Variants in OSBPL6 observed in about 807,000 individuals in gnomAD.
The protein encoded by OSBPL6 is oxysterol-binding protein-related protein 6.
A neutral mutation model predicts 125.8 loss-of-function variants in OSBPL6; 49 were observed. The ratio of observed to expected loss-of-function variants is 0.39; its 90% CI spans 0.31 to 0.49. The LOEUF (loss-of-function observed/expected upper bound fraction) is 0.49. Among genes scored for constraint, OSBPL6 ranks in the 20% least tolerant of loss-of-function variants. The probability of loss-of-function intolerance (pLI) is 0.88; values close to 1 mark genes in which losing one functional copy is unlikely to be tolerated. For synonymous variants in OSBPL6, 394 were observed against 391.8 expected (o/e 1.01, Z -0.07); for missense variants, 986 against 1,135.4 (o/e 0.87, Z 1.89).
intron 15 of OSBPL6, 32 bp from the exon 16 acceptor site, chr2:178,382,388 T>A (rs778162845): frequency 1.3e-6 from 2 of 1,559,204 alleles, no homozygotes; most frequent in Admixed American, 3.9e-5. Context: ...TGAACAAGAA[T>A]TCTGATCCTT....
rs117345358 is a variant in OSBPL6, at chr2:178,251,673, C to T, written c.-350-33254C>T. ...AAGGCAGTTGTTCTTTCTGATCACG[C>T]ACTCTTCCTGCCTAAAGCAGTGAAG... On this transcript the variant is annotated intron_variant, in intron 1 of 24. Coordinates refer to ENST00000190611, the MANE Select transcript of OSBPL6 (RefSeq NM_032523.4). 4.3e-3 allele frequency among the ~76,000 whole-genome samples: 661 copies of T among 152,306 alleles called. 14 individuals carry two copies. In the East Asian group the frequency reaches 0.068, roughly 16 times the overall value.
intron 11 of OSBPL6, among the ~76,000 whole-genome samples, chr2:178,343,255 C>A (rs1574922027): frequency 6.6e-6 from 1 of 151,958 alleles, no homozygotes; most frequent in Admixed American, 6.6e-5. Flanking sequence ...GGCAAGGTGG[C>A]TCATGCCTGT....
At chr2:178,264,584 A>G (rs2092168202) in intron 1 of OSBPL6, among the ~76,000 whole-genome samples, 1 of 152,202 alleles carries the variant, frequency 6.6e-6, no homozygotes, top group African/African-American at 2.4e-5. Flanking sequence ...CCTGGTCTTC[A>G]ACGTGATAAT....
chr2:178,223,588 A>T (rs334033), intron 1 of OSBPL6, among the ~76,000 whole-genome samples: 2,679 of 152,316 alleles, frequency 0.018, 77 homozygotes, highest in African/African-American at 0.061. Flanking sequence ...CAGGCCCTTC[A>T]GTTTATTCTT....
intron 1 of OSBPL6, among the ~76,000 whole-genome samples, chr2:178,272,134 C>T (rs2154025299): frequency 6.6e-6 from 1 of 152,316 alleles, no homozygotes; most frequent in South Asian, 2.1e-4. Context: ...CAAGAACTTA[C>T]TGTTCAGCAC....
chr2:178,235,911 G>A (rs2091036627), intron 1 of OSBPL6, among the ~76,000 whole-genome samples: 1 of 152,166 alleles, frequency 6.6e-6, no homozygotes, highest in South Asian at 2.1e-4. Context: ...ATGTTGGAAT[G>A]TAATCAGAAT....
At position 178,399,536 on chromosome 2, in the gene OSBPL6, A is replaced by G. The variant is rs1002281297; in HGVS notation, c.*3977A>G. On this transcript the variant is annotated 3_prime_UTR_variant, in exon 25 of 25. Coordinates refer to ENST00000190611, the MANE Select transcript of OSBPL6 (RefSeq NM_032523.4). ...TTAGCTTTATTACGTCCAAAATGAGATCTAAAGAAGGAGGTCTTTAAAAAT... is the reference window on the plus strand; with the variant it reads ...TTAGCTTTATTACGTCCAAAATGAGGTCTAAAGAAGGAGGTCTTTAAAAAT... 1.3e-5 allele frequency: 2 copies of G among 152,246 alleles called. No individual in the cohort carries two copies. The highest frequency in any genetic ancestry group is 1.9e-4 in the East Asian group (1 of 5,200). 9.4% of individuals were successfully genotyped at this position (152,246 alleles called of 1,614,324 possible). A position where few individuals can be genotyped will look rare whatever the true frequency, so the allele number is the denominator to read the frequency against.
At chr2:178,337,949 C>CTTTTTTTTTTTTTTTT (rs755944128) in intron 9 of OSBPL6, among the ~76,000 whole-genome samples, 12,296 of 134,978 alleles carry the variant, frequency 0.091, 787 homozygotes, top group Admixed American at 0.13. Flanking sequence ...TCAGTATTCT[C>CTTTTTTTTTTTTTTTT]TTTTTTTTTT....
chr2:178,392,141 G>A (rs1559331630), intron 22 of OSBPL6, among the ~76,000 whole-genome samples: 1 of 152,162 alleles, frequency 6.6e-6, no homozygotes, highest in Non-Finnish European at 1.5e-5. Flanking sequence ...GAAATATTAT[G>A]GAGTAGTTTA....
At chr2:178,260,377 A>ATATGTATATGTGTATGTG (rs1553536460) in intron 1 of OSBPL6, among the ~76,000 whole-genome samples, 17 of 151,842 alleles carry the variant, frequency 1.1e-4, no homozygotes, top group African/African-American at 4.1e-4. Flanking sequence ...ATGTATATGT[A>ATATGTATATGTGTATGTG]TATGTGTATG....
chr2:178,247,823 T>C (rs2091549473), intron 1 of OSBPL6, among the ~76,000 whole-genome samples: 1 of 152,190 alleles, frequency 6.6e-6, no homozygotes, highest in Non-Finnish European at 1.5e-5. Flanking sequence ...TGTTTCCCTT[T>C]CAGTTTCCCT....
intron 1 of OSBPL6, among the ~76,000 whole-genome samples, chr2:178,234,906 A>G (rs930673330): frequency 3.9e-5 from 6 of 152,206 alleles, no homozygotes; most frequent in African/African-American, 1.4e-4. Context: ...CCACTGTTTC[A>G]GAGAGATTGG....
intron 1 of OSBPL6, among the ~76,000 whole-genome samples, chr2:178,201,041 A>C (rs566958607): frequency 6.6e-6 from 1 of 152,126 alleles, no homozygotes; most frequent in Non-Finnish European, 1.5e-5. Flanking sequence ...TGATCTGCCC[A>C]CCTCAGCCTC....
chr2:178,308,221 A>T (rs1040540291), intron 3 of OSBPL6, among the ~76,000 whole-genome samples: 1 of 152,196 alleles, frequency 6.6e-6, no homozygotes, highest in Non-Finnish European at 1.5e-5. Flanking sequence ...AATAGAAGAG[A>T]TCAATTACAG....
chr2:178,378,720 G>A (rs776618809), intron 15 of OSBPL6, among the ~76,000 whole-genome samples: 7 of 152,208 alleles, frequency 4.6e-5, no homozygotes, highest in South Asian at 2.1e-4. Context: ...GCAGGGTAGC[G>A]TGAATTGACC....
At chr2:178,310,136 C>T (rs1181259481) in intron 3 of OSBPL6, among the ~76,000 whole-genome samples, 1 of 152,202 alleles carries the variant, frequency 6.6e-6, no homozygotes. Flanking sequence ...GGTCTAGGGA[C>T]ATTGATCCCA....
At chr2:178,347,057 A>G (rs1197027749) in intron 11 of OSBPL6, among the ~76,000 whole-genome samples, 3 of 152,154 alleles carry the variant, frequency 2.0e-5, no homozygotes, top group Non-Finnish European at 2.9e-5. Context: ...TTCAAAATAT[A>G]AATTTGTAAC....
chr2:178,372,000 G>C, intron 13 of OSBPL6, 126 bp from the exon 14 acceptor site: 1 of 611,756 alleles, frequency 1.6e-6, no homozygotes, highest in South Asian at 2.6e-5. Flanking sequence ...TCTGGCTCAT[G>C]ATGGCTTCAA....
rs920836200 is a variant in OSBPL6 at position 178,222,574 on chromosome 2, C to T, written c.-351+27900C>T. Among the ~76,000 whole-genome samples the T allele has an allele frequency of 7.7e-4, 117 of 152,188 alleles. 1 individual carries two copies. Among genetic ancestry groups the T allele is most frequent in the African/African-American group, 2.5e-3 (104 of 41,526 alleles). On this transcript the variant is annotated intron_variant, in intron 1 of 24. Coordinates refer to ENST00000190611, the MANE Select transcript of OSBPL6 (RefSeq NM_032523.4). ...AGGAGAATGGCGTGAACCCAGGAGG[C>T]GGAGCTTGCAGTGAGCAGAGATCTA...
Sources: allele counts gnomAD v4.1 joint callset (sites outside exome capture counted in the v4.1 genomes callset), GRCh38; gene constraint gnomAD v4.1.1; transcripts MANE v1.5; gene names NCBI Gene and HGNC (gene_info 2026-07-23, HGNC 2026-07-21).